The following DHCR24 variants were observed in gnomAD, a reference collection of about 807,000 sequenced individuals.
DHCR24 encodes the protein 24-dehydrocholesterol reductase.
A neutral mutation model predicts 61.2 loss-of-function variants in DHCR24; 28 were observed. That is an observed-to-expected ratio of 0.46 (90% CI 0.34 to 0.63). The LOEUF (loss-of-function observed/expected upper bound fraction) is 0.63, where lower values mean the gene tolerates loss of function less well. DHCR24 is among the 20% of genes least tolerant of loss of function. The probability of loss-of-function intolerance (pLI) is 0.01; values close to 1 mark genes in which losing one functional copy is unlikely to be tolerated. For missense variants in DHCR24, 538 were observed against 679.1 expected (o/e 0.79, Z 2.31); for synonymous variants, 261 against 275.9 (o/e 0.95, Z 0.54).
intron 6 of DHCR24, among the ~76,000 whole-genome samples, chr1:54,854,479 A>G (rs1161481904): frequency 2.0e-5 from 3 of 152,160 alleles, no homozygotes; most frequent in Non-Finnish European, 4.4e-5. Context: ...CTTTGAGCTC[A>G]GTTTCCTTAT....
At chr1:54,868,366 A>T (rs1029597863) in intron 5 of DHCR24, among the ~76,000 whole-genome samples, 1 of 152,080 alleles carries the variant, frequency 6.6e-6, no homozygotes, top group African/African-American at 2.4e-5. Flanking sequence ...GCTACTTGGG[A>T]GGCTGAGGCA....
In DHCR24 at chr1:54,882,625, T is replaced by C. The variant is rs569865043; in HGVS notation, c.387+993A>G. Among the ~76,000 whole-genome samples, 5 of 152,332 alleles carry C rather than the reference T, an allele frequency of 3.3e-5. No individual in the cohort carries two copies. The South Asian group carries it at 1.0e-3, about 32-fold the overall frequency. ...AGGTGAATGGATAAACCAGCTGTGA[T>C]ACATCCACACAATATGTGTGGGAAT... On this transcript the variant is annotated intron_variant, in intron 2 of 8. Transcript: ENST00000371269.
At chr1:54,880,099 T>G (rs1647056566) in intron 2 of DHCR24, among the ~76,000 whole-genome samples, 1 of 152,120 alleles carries the variant, frequency 6.6e-6, no homozygotes, top group Non-Finnish European at 1.5e-5. Flanking sequence ...TTCAATAGCC[T>G]TTAGCCAGAC....
chr1:54,881,298 C>T (rs1248738200), intron 2 of DHCR24, among the ~76,000 whole-genome samples: 1 of 151,936 alleles, frequency 6.6e-6, no homozygotes, highest in African/African-American at 2.4e-5. Flanking sequence ...CTTACAAGAA[C>T]AAAACAACCC....
At chr1:54,877,155 A>G (rs958112888) in intron 2 of DHCR24, among the ~76,000 whole-genome samples, 1 of 151,914 alleles carries the variant, frequency 6.6e-6, no homozygotes, top group African/African-American at 2.4e-5. Flanking sequence ...AGCAGTTCCC[A>G]GCTTGACTTT....
In DHCR24 at chr1:54,886,933, C is replaced by CGCT; in HGVS notation, c.184_186dup (p.Ser62dup). 1.2e-6 allele frequency: 2 copies of CGCT among 1,613,486 alleles called. No homozygotes were observed. The highest frequency in any genetic ancestry group is 1.7e-6 in the Non-Finnish European group (2 of 1,179,650). On this transcript the variant is annotated inframe_insertion, in exon 1 of 9. Coordinates refer to ENST00000371269, the MANE Select transcript of DHCR24 (RefSeq NM_014762.4). Reference sequence around the variant, plus strand: ...ACGCGCTGCTCGTGCAGGCGCGGAGCGCTGCTGAGCTTGAACACCACCCAG... The same window carrying CGCT: ...ACGCGCTGCTCGTGCAGGCGCGGAGCGCTGCTGCTGAGCTTGAACACCACCCAG...
At chr1:54,882,917 G>A (rs1253087395) in intron 2 of DHCR24, among the ~76,000 whole-genome samples, 1 of 152,010 alleles carries the variant, frequency 6.6e-6, no homozygotes, top group Non-Finnish European at 1.5e-5. Context: ...GGTGTGATGG[G>A]TATGTTTGTT....
At position 54,849,902 on chromosome 1, in the gene DHCR24, A is replaced by C. The variant is rs1481030036; in HGVS notation, c.*2331T>G. The C allele has an allele frequency of 1.3e-5, 2 of 152,710 alleles. No homozygotes were observed. The highest frequency in any genetic ancestry group is 2.9e-5 in the Non-Finnish European group (2 of 68,070). The allele number at this position is 152,710 out of a possible 1,614,324, so 9.5% of individuals were successfully genotyped here. A position where few individuals can be genotyped will look rare whatever the true frequency, so the allele number is the denominator to read the frequency against. On this transcript the variant is annotated 3_prime_UTR_variant, in exon 9 of 9. Transcript: ENST00000371269. ...AATTCTGATTCTAAAGAAAACCTTCATGCAGCCAAGAAACTCAGGGCTCTG... is the reference window on the plus strand; with the variant it reads ...AATTCTGATTCTAAAGAAAACCTTCCTGCAGCCAAGAAACTCAGGGCTCTG...
At position 54,852,001 on chromosome 1, in the gene DHCR24, G is replaced by A. The variant is rs1329056458; in HGVS notation, c.*232C>T. ...ACTCACCCAGAGTCACACAGCTAAT[G>A]AGTTCTAAACGGGGAACTGGACTCA... On this transcript the variant is annotated 3_prime_UTR_variant, in exon 9 of 9. Transcript: ENST00000371269. The A allele has an allele frequency of 5.2e-6, 3 of 579,922 alleles. No homozygotes were observed. Among genetic ancestry groups the A allele is most frequent in the African/African-American group, 3.7e-5 (2 of 53,448 alleles). The allele number at this position is 579,922 out of a possible 1,614,324, so 35.9% of individuals were successfully genotyped here.
At position 54,850,112 on chromosome 1, in the gene DHCR24, C is replaced by A. The variant is rs918878009; in HGVS notation, c.*2121G>T. 11 of 152,212 alleles carry A rather than the reference C, an allele frequency of 7.2e-5. No individual in the cohort carries two copies. The highest frequency in any genetic ancestry group is 2.7e-4 in the African/African-American group (11 of 41,456). 9.4% of individuals were successfully genotyped at this position (152,212 alleles called of 1,614,324 possible). On this transcript the variant is annotated 3_prime_UTR_variant, in exon 9 of 9. Transcript: ENST00000371269. ...GCAAGATTTTACTGGAGCAACATAA[C>A]CGGAGGGTGTGATTCCAAAATACCT...
chr1:54,867,508 T>C (rs1646973834), intron 5 of DHCR24, among the ~76,000 whole-genome samples: 1 of 151,986 alleles, frequency 6.6e-6, no homozygotes, highest in African/African-American at 2.4e-5. Context: ...GTCTTCTCCT[T>C]GGGAAATAAG....
At chr1:54,860,401 T>G (rs1293348173) in intron 6 of DHCR24, among the ~76,000 whole-genome samples, 1 of 152,144 alleles carries the variant, frequency 6.6e-6, no homozygotes, top group African/African-American at 2.4e-5. Flanking sequence ...CCTTGTTAAC[T>G]AGAACCCTGA....
chr1:54,864,415 A>G (rs1178963563), intron 6 of DHCR24, among the ~76,000 whole-genome samples: 1 of 152,228 alleles, frequency 6.6e-6, no homozygotes, highest in African/African-American at 2.4e-5. Context: ...ATGCTATGTA[A>G]AAGAAGCCAG....
chr1:54,865,103 A>C (rs1447947762), intron 6 of DHCR24, among the ~76,000 whole-genome samples, 200 bp downstream of exon 6: 4 of 152,172 alleles, frequency 2.6e-5, no homozygotes, highest in African/African-American at 9.6e-5. Flanking sequence ...GATGCTTGCT[A>C]AGAGCCTGCT....
At chr1:54,855,326 G>A (rs991144315) in intron 6 of DHCR24, among the ~76,000 whole-genome samples, 3 of 151,762 alleles carry the variant, frequency 2.0e-5, no homozygotes, top group Non-Finnish European at 2.9e-5. Flanking sequence ...CCCAGGAGGC[G>A]GAGCTTGCAG....
intron 2 of DHCR24, among the ~76,000 whole-genome samples, chr1:54,882,171 C>T (rs1195180971): frequency 6.6e-6 from 1 of 150,540 alleles, no homozygotes; most frequent in Non-Finnish European, 1.5e-5. Flanking sequence ...TATAAGAAAA[C>T]CACCTGAATT....
intron 6 of DHCR24, among the ~76,000 whole-genome samples, chr1:54,862,584 T>A (rs72903506): frequency 0.026 from 3,962 of 152,230 alleles, 158 homozygotes; most frequent in East Asian, 0.12. Context: ...TCCCAGGGTC[T>A]TCTCTATCTG....
At position 54,875,114 on chromosome 1, in the gene DHCR24, G is replaced by A. The variant is rs760537696; in HGVS notation, c.591C>T (p.Gly197=). The part of the protein sequence containing the change: ...CTAYELVLAD[G]SFVRCTPSEN... ...TCACCGGAGTGCATCGCACAAAGCT[G>A]CCATCAGCCAGGACCAGCTCGTAAG... Residue 197 remains glycine, a synonymous_variant, in exon 4 of 9, where the codon GGC becomes GGT. Transcript: ENST00000371269. 1.2e-6 allele frequency: 2 copies of A among 1,614,094 alleles called. No individual in the cohort carries two copies. The highest frequency in any genetic ancestry group is 1.7e-6 in the Non-Finnish European group (2 of 1,179,980).
Position 54,883,508 on chromosome 1 carries a change from G to A in DHCR24, c.387+110C>T. ...AGTATCTTCTATGACTGTGGGCATTGGTCCTGTCCACTCTGCAATGCCCTT... is the reference window on the plus strand; with the variant it reads ...AGTATCTTCTATGACTGTGGGCATTAGTCCTGTCCACTCTGCAATGCCCTT... On this transcript the variant is annotated intron_variant, in intron 2 of 8. Transcript: ENST00000371269. This position sits in a 1 kb window ranked among gnomAD's most constrained non-coding sequence, Gnocchi z 4.3. The A allele has an allele frequency of 7.6e-7, 1 of 1,322,668 alleles. No individual in the cohort carries two copies. Among genetic ancestry groups the A allele is most frequent in the Non-Finnish European group, 1.1e-6 (1 of 918,704 alleles). The allele number at this position is 1,322,668 out of a possible 1,614,324, so 81.9% of individuals were successfully genotyped here.
Sources: allele counts gnomAD v4.1 joint callset (sites outside exome capture counted in the v4.1 genomes callset), GRCh38; gene constraint gnomAD v4.1.1; non-coding constraint Gnocchi (gnomAD v3.1); transcripts MANE v1.5; gene names NCBI Gene and HGNC (gene_info 2026-07-23, HGNC 2026-07-21).